The following DGKB variants were observed in gnomAD, a reference collection of about 807,000 sequenced individuals.
The protein encoded by DGKB is diacylglycerol kinase beta.
Under a neutral mutation model 114.3 loss-of-function variants are expected in DGKB, and 67 were observed. That is an observed-to-expected ratio of 0.59 (90% CI 0.48 to 0.72). The LOEUF (loss-of-function observed/expected upper bound fraction) is 0.72. Among genes scored for constraint, DGKB ranks in the 30% least tolerant of loss-of-function variants. The probability of loss-of-function intolerance (pLI) is 0.00; values close to 1 mark genes in which losing one functional copy is unlikely to be tolerated. For missense variants in DGKB, 907 were observed against 975.2 expected, an observed-to-expected ratio of 0.93 and a Z score of 0.93; for synonymous variants, 398 against 323.1, an observed-to-expected ratio of 1.23 and a Z score of -2.49.
intron 21 of DGKB, among the ~76,000 whole-genome samples, chr7:14,370,638 C>T (rs1817479138): frequency 6.6e-6 from 1 of 152,122 alleles, no homozygotes; most frequent in Non-Finnish European, 1.5e-5. Context: ...AGAGGTCCTT[C>T]ACTTCCCTTG....
chr7:14,627,618 C>T (rs978587785), intron 14 of DGKB, among the ~76,000 whole-genome samples: 1 of 151,118 alleles, frequency 6.6e-6, no homozygotes, highest in Non-Finnish European at 1.5e-5. Flanking sequence ...AGTATACATA[C>T]ACATATATGT....
intron 20 of DGKB, among the ~76,000 whole-genome samples, chr7:14,528,496 A>T (rs1354442695): frequency 6.6e-6 from 1 of 152,130 alleles, no homozygotes. Flanking sequence ...CTGTGGGCTT[A>T]TAAGATATAA....
rs1181053244 is a variant in DGKB at position 14,418,296 on chromosome 7, C to CATATATGTATGT, written c.1835+59853_1835+59864dup. On this transcript the variant is annotated intron_variant, in intron 21 of 25. Transcript: ENST00000402815. The stretch of plus-strand genomic sequence containing the variant: ...TATTTTATATATGTGTGTATATATA[C>CATATATGTATGT]ATATATGTATGTATATATGTATGTA... Among the ~76,000 whole-genome samples, 4 of 136,050 alleles carry CATATATGTATGT rather than the reference C, an allele frequency of 2.9e-5. No individual in the cohort carries two copies. In the East Asian group the frequency reaches 6.2e-4, roughly 21 times the overall value. 89.3% of individuals were successfully genotyped at this position (136,050 alleles called of 152,430 possible).
chr7:14,266,324 T>C (rs1319717422), intron 23 of DGKB, among the ~76,000 whole-genome samples: 1 of 152,252 alleles, frequency 6.6e-6, no homozygotes, highest in Non-Finnish European at 1.5e-5. Context: ...AATGCATTTC[T>C]ATTTTTTAAA....
chr7:14,252,708 GA>G (rs1230186461), intron 23 of DGKB, among the ~76,000 whole-genome samples: 1 of 152,136 alleles, frequency 6.6e-6, no homozygotes, highest in African/African-American at 2.4e-5. Context: ...AATGGGCTTA[GA>G]ACTTAGGTCC....
chr7:14,207,903 A>G (rs1029472271), intron 23 of DGKB, among the ~76,000 whole-genome samples: 1 of 152,052 alleles, frequency 6.6e-6, no homozygotes, highest in Admixed American at 6.6e-5. Flanking sequence ...CCAAAATTAT[A>G]TATGACTTGT....
chr7:14,581,949 T>C (rs1488568763), intron 18 of DGKB, among the ~76,000 whole-genome samples: 1 of 152,232 alleles, frequency 6.6e-6, no homozygotes, highest in Non-Finnish European at 1.5e-5. Context: ...CAGATCAGAA[T>C]TTTCACTGTT....
chr7:14,861,090 C>G (rs1048163922), intron 1 of DGKB, among the ~76,000 whole-genome samples: 1 of 151,904 alleles, frequency 6.6e-6, no homozygotes, highest in African/African-American at 2.4e-5. Context: ...CACACAATCT[C>G]TTTGTATTTC....
intron 23 of DGKB, among the ~76,000 whole-genome samples, chr7:14,302,046 G>A (rs189327185): frequency 5.3e-5 from 8 of 152,136 alleles, no homozygotes; most frequent in African/African-American, 1.4e-4. Context: ...GAGCAAGGAC[G>A]ATGAACAAAC....
chr7:14,407,304 G>C (rs572466971), intron 21 of DGKB, among the ~76,000 whole-genome samples: 1 of 152,192 alleles, frequency 6.6e-6, no homozygotes, highest in East Asian at 1.9e-4. Flanking sequence ...ATTGTTCAAC[G>C]TTGCTGAGTA....
intron 4 of DGKB, among the ~76,000 whole-genome samples, chr7:14,736,537 T>A (rs1450672480): frequency 1.3e-5 from 2 of 152,174 alleles, no homozygotes; most frequent in African/African-American, 4.8e-5. Context: ...CACATAGTTG[T>A]TGCAGTGATT....
rs1796974927 is a variant in DGKB at position 14,563,573 on chromosome 7, T to C, written c.1770+10639A>G. Among the ~76,000 whole-genome samples, 3 of 152,084 alleles carry C rather than the reference T, an allele frequency of 2.0e-5. No individual in the cohort carries two copies. In the South Asian group the frequency reaches 6.2e-4, roughly 32 times the overall value. On this transcript the variant is annotated intron_variant, in intron 20 of 25. Transcript: ENST00000402815. ...AATTCTCACTTTGTTTATGCGTTAT[T>C]TTCTTGACCTCAATGAGTATCTTTA...
chr7:14,783,328 A>G (rs1406632584), intron 2 of DGKB, among the ~76,000 whole-genome samples: 1 of 152,200 alleles, frequency 6.6e-6, no homozygotes, highest in African/African-American at 2.4e-5. Flanking sequence ...ACTCGGATTC[A>G]CTTGTCACAC....
chr7:14,660,700 C>T (rs915242448), intron 13 of DGKB, among the ~76,000 whole-genome samples: 1 of 151,844 alleles, frequency 6.6e-6, no homozygotes, highest in Non-Finnish European at 1.5e-5. Flanking sequence ...TTGGAAAAAA[C>T]TACTTTAAAG....
At chr7:14,542,212 G>A (rs921971215) in intron 20 of DGKB, among the ~76,000 whole-genome samples, 1 of 151,860 alleles carries the variant, frequency 6.6e-6, no homozygotes. Context: ...TAGAAACACA[G>A]TCTTGCTAGT....
At chr7:14,900,907 T>C (rs1267519496) in intron 1 of DGKB, among the ~76,000 whole-genome samples, 1 of 152,160 alleles carries the variant, frequency 6.6e-6, no homozygotes, top group East Asian at 1.9e-4. Context: ...GACTCTAGAG[T>C]ATTAGGGAAC....
chr7:14,918,145 T>C (rs1015262846), intron 1 of DGKB, among the ~76,000 whole-genome samples: 1 of 152,146 alleles, frequency 6.6e-6, no homozygotes, highest in African/African-American at 2.4e-5. Flanking sequence ...GGTAACATCA[T>C]ACTTAGTGAT....
At chr7:14,334,381 TGTGTGTGTGTGTGTGCGC>T (rs975080499) in intron 23 of DGKB, among the ~76,000 whole-genome samples, 3 of 82,548 alleles carry the variant, frequency 3.6e-5, no homozygotes, top group Non-Finnish European at 5.8e-5. Context: ...TGTGTGTGTG[TGTGTGTGTGTGTGTGCGC>T]GCGCGTGTAT....
intron 6 of DGKB, among the ~76,000 whole-genome samples, chr7:14,715,706 A>G (rs546872542): frequency 1.3e-4 from 20 of 152,314 alleles, no homozygotes; most frequent in Non-Finnish European, 2.9e-4. Context: ...ATTGCTAGAT[A>G]CTGGGAAACT....
Sources: gnomAD v4.1 joint callset for allele counts (sites outside exome capture counted in the v4.1 genomes callset) on GRCh38, gnomAD v4.1.1 for gene constraint, MANE v1.5 for transcripts, NCBI Gene and HGNC (gene_info 2026-07-23, HGNC 2026-07-21) for gene names.